TRPM3: variants seen among roughly 807,000 people sequenced by gnomAD.
The protein encoded by TRPM3 is transient receptor potential cation channel subfamily M member 3, also known as long transient receptor potential channel 3.
A neutral mutation model predicts 181.2 loss-of-function variants in TRPM3; 77 were observed. The observed-to-expected ratio is 0.42, with a 90% CI of 0.35 to 0.51. The LOEUF (loss-of-function observed/expected upper bound fraction) is 0.51, where lower values mean the gene tolerates loss of function less well. Among genes scored for constraint, TRPM3 ranks in the 20% least tolerant of loss-of-function variants. The pLI is 0.01. For synonymous variants in TRPM3, 745 were observed against 796.4 expected, an observed-to-expected ratio of 0.94 and a Z score of 1.09; for missense variants, 1,759 against 2,196.7, an observed-to-expected ratio of 0.80 and a Z score of 3.98.
chr9:70,622,426 A>G (rs779911385), intron 14 of TRPM3, among the ~76,000 whole-genome samples: 1 of 152,236 alleles, frequency 6.6e-6, no homozygotes, highest in Non-Finnish European at 1.5e-5. Flanking sequence ...ATTATTCAGA[A>G]ATATATTAAT....
Position 71,192,249 on chromosome 9 carries a change from C to A in TRPM3, c.183+254404G>T, listed in dbSNP as rs115709857. 1.4e-3 allele frequency among the ~76,000 whole-genome samples: 215 copies of A among 151,818 alleles called. 3 individuals are homozygous for A. The highest frequency in any genetic ancestry group is 4.6e-3 in the African/African-American group (192 of 41,480). On this transcript the variant is annotated intron_variant, in intron 1 of 24. Transcript: ENST00000357533. Reference sequence around the variant, plus strand: ...TGGGAATTTGAATCAATTAAAGAATCTAAGCCTGAGAAGAGAGTTTGAATG... The same window carrying A: ...TGGGAATTTGAATCAATTAAAGAATATAAGCCTGAGAAGAGAGTTTGAATG...
intron 1 of TRPM3, among the ~76,000 whole-genome samples, chr9:71,077,881 T>C: frequency 6.6e-6 from 1 of 151,944 alleles, no homozygotes; most frequent in Non-Finnish European, 1.5e-5. Context: ...ACATATTAAT[T>C]CAACTCATAA....
At chr9:71,070,213 A>G (rs2062557556) in intron 1 of TRPM3, among the ~76,000 whole-genome samples, 1 of 152,212 alleles carries the variant, frequency 6.6e-6, no homozygotes. Context: ...GATCAGCAGA[A>G]AACAAAATCG....
intron 8 of TRPM3, among the ~76,000 whole-genome samples, chr9:70,757,990 C>T (rs1002109741): frequency 1.3e-5 from 2 of 152,032 alleles, no homozygotes; most frequent in Non-Finnish European, 2.9e-5. Context: ...GTCAATTGGG[C>T]AAGAGAAAGA....
chr9:70,536,253 G>T lies in TRPM3; in HGVS notation c.4860C>A (p.Thr1620=). ...CACCCTCCTGGGAGGATATTGCAAT[G>T]GTGGCTCTGCGGCCTTTGGCCTCAT... The part of the protein sequence containing the change: ...EENEAKGRRA[T]IAISSQEGDN... The change falls in exon 26 of 26, where the codon ACC becomes ACA. Residue 1620 remains threonine, a synonymous_variant. Transcript: ENST00000677713. The T allele has an allele frequency of 6.2e-7, 1 of 1,614,210 alleles. No homozygotes were observed.
intron 1 of TRPM3, among the ~76,000 whole-genome samples, chr9:71,294,580 A>G (rs2086099540): frequency 6.6e-6 from 1 of 152,174 alleles, no homozygotes; most frequent in Non-Finnish European, 1.5e-5. Flanking sequence ...TGTATAGTAG[A>G]GTTGAATATG....
At chr9:70,934,409 G>C (rs1451823096) in intron 1 of TRPM3, among the ~76,000 whole-genome samples, 4 of 152,216 alleles carry the variant, frequency 2.6e-5, no homozygotes, top group Non-Finnish European at 5.9e-5. Context: ...GGACTCTACT[G>C]CTCCCTGACT....
At chr9:70,754,308 T>A (rs1199053335) in intron 8 of TRPM3, among the ~76,000 whole-genome samples, 1 of 152,200 alleles carries the variant, frequency 6.6e-6, no homozygotes, top group African/African-American at 2.4e-5. Context: ...TAGAGAGACA[T>A]CTGATCTGTG....
intron 1 of TRPM3, among the ~76,000 whole-genome samples, chr9:71,052,370 G>C (rs2133189597): frequency 6.6e-6 from 1 of 152,220 alleles, no homozygotes; most frequent in East Asian, 1.9e-4. Context: ...ATGGCAGTTG[G>C]GTTTTGAGTA....
At chr9:70,552,429 A>G (rs2131856030) in intron 24 of TRPM3, among the ~76,000 whole-genome samples, 1 of 152,300 alleles carries the variant, frequency 6.6e-6, no homozygotes, top group East Asian at 1.9e-4. Context: ...AGGTTTAGGA[A>G]AATGTTTAAG....
intron 22 of TRPM3, among the ~76,000 whole-genome samples, chr9:70,575,700 T>G (rs1339334249): frequency 6.6e-6 from 1 of 152,220 alleles, no homozygotes; most frequent in Non-Finnish European, 1.5e-5. Context: ...CTTTCTGTCC[T>G]CAAACTGTTA....
At chr9:71,086,239 T>A (rs2065237453) in intron 1 of TRPM3, among the ~76,000 whole-genome samples, 1 of 151,854 alleles carries the variant, frequency 6.6e-6, no homozygotes, top group Non-Finnish European at 1.5e-5. Context: ...AAAAACTAAC[T>A]ATTGGGTCCT....
chr9:71,436,349 C>CTGGAG (rs1212102640), intron 1 of TRPM3, among the ~76,000 whole-genome samples: 4 of 120,438 alleles, frequency 3.3e-5, no homozygotes, highest in Non-Finnish European at 4.7e-5. Context: ...GTCACACAGT[C>CTGGAG]TGGAGTGCAG....
At chr9:71,221,172 G>T (rs1391550906) in intron 1 of TRPM3, among the ~76,000 whole-genome samples, 1 of 152,024 alleles carries the variant, frequency 6.6e-6, no homozygotes. Flanking sequence ...TATGGCCTTG[G>T]GCCAAATCCT....
At chr9:70,673,664 C>T (rs1369899632) in intron 9 of TRPM3, among the ~76,000 whole-genome samples, 2 of 152,150 alleles carry the variant, frequency 1.3e-5, no homozygotes, top group Non-Finnish European at 2.9e-5. Context: ...CACAGTGGCT[C>T]ACGCCTGTAA....
intron 1 of TRPM3, among the ~76,000 whole-genome samples, chr9:71,089,291 G>A (rs1186286502): frequency 1.3e-5 from 2 of 150,232 alleles, no homozygotes; most frequent in Non-Finnish European, 3.0e-5. Flanking sequence ...AACAACTTTT[G>A]CAAAAGTGTT....
intron 22 of TRPM3, among the ~76,000 whole-genome samples, chr9:70,566,637 C>G (rs1430139785): frequency 1.3e-5 from 2 of 152,150 alleles, no homozygotes; most frequent in African/African-American, 4.8e-5. Context: ...TAAGTAAACC[C>G]TCTCTTCATG....
rs759076393 is a variant in TRPM3 at position 70,536,470 on chromosome 9, C to T, written c.4643G>A (p.Gly1548Glu). 2.5e-6 allele frequency: 4 copies of T among 1,613,966 alleles called. No homozygotes were observed. The highest frequency in any genetic ancestry group is 3.3e-5 in the Admixed American group (2 of 59,990). Reference protein sequence around the residue: ...SPSRSYYANFGVPVKTAEYTS... With the variant: ...SPSRSYYANFEVPVKTAEYTS... ...GTATTCTGCTGTTTTTACAGGCACC[C>T]CAAAGTTGGCATAATAGCTCCTTGA... Residue 1548 changes from glycine (G) to glutamate (E), a missense_variant, in exon 26 of 26, where the codon GGG (glycine) becomes GAG (glutamate). By Grantham distance (98) the Gly-to-Glu change is moderately conservative. Coordinates refer to ENST00000677713, the MANE Select transcript of TRPM3 (RefSeq NM_001366145.2).
At chr9:70,827,810 C>T in intron 6 of TRPM3, 37 bp downstream of exon 6, 1 of 1,603,916 alleles carries the variant, frequency 6.2e-7, no homozygotes, top group Non-Finnish European at 8.5e-7. Flanking sequence ...CAGCATACCT[C>T]CTACGAGCCA....
Sources: allele counts gnomAD v4.1 joint callset (sites outside exome capture counted in the v4.1 genomes callset), GRCh38; gene constraint gnomAD v4.1.1; transcripts MANE v1.5; gene names NCBI Gene and HGNC (gene_info 2026-07-23, HGNC 2026-07-21).